Variants in TRABD2B observed in about 807,000 individuals in gnomAD.
TRABD2B encodes TraB domain containing 2B, also known as metalloprotease TIKI2.
A neutral mutation model predicts 40.1 loss-of-function variants in TRABD2B; 14 were observed. That is an observed-to-expected ratio of 0.35 (90% CI 0.23 to 0.55). The LOEUF is 0.55. TRABD2B is among the 20% of genes least tolerant of loss of function. The pLI is 0.90. For synonymous variants in TRABD2B, 263 were observed against 277.0 expected, an observed-to-expected ratio of 0.95 and a Z score of 0.50; for missense variants, 541 against 648.6, an observed-to-expected ratio of 0.83 and a Z score of 1.80.
At chr1:47,913,381 C>A (rs1161000266) in intron 2 of TRABD2B, among the ~76,000 whole-genome samples, 1 of 152,098 alleles carries the variant, frequency 6.6e-6, no homozygotes, top group African/African-American at 2.4e-5. Context: ...GATACTTGGG[C>A]GCGACCTAAG....
At chr1:47,803,916 C>T (rs111258216) in intron 2 of TRABD2B, among the ~76,000 whole-genome samples, 4 of 152,212 alleles carry the variant, frequency 2.6e-5, no homozygotes, top group Non-Finnish European at 5.9e-5. Context: ...CATGCCACCA[C>T]CTTGTGGCAG....
At chr1:47,866,587 T>A (rs1644061162) in intron 2 of TRABD2B, among the ~76,000 whole-genome samples, 1 of 152,144 alleles carries the variant, frequency 6.6e-6, no homozygotes, top group African/African-American at 2.4e-5. Flanking sequence ...CCAACCCTAC[T>A]ATCACCAGCA....
chr1:47,874,519 G>A (rs868605819), intron 2 of TRABD2B, among the ~76,000 whole-genome samples: 45 of 149,630 alleles, frequency 3.0e-4, no homozygotes, highest in Non-Finnish European at 4.6e-4. Flanking sequence ...TGATCCACCC[G>A]CCTCGGCCTC....
At chr1:47,801,849 C>T (rs970544336) in intron 2 of TRABD2B, among the ~76,000 whole-genome samples, 1 of 152,208 alleles carries the variant, frequency 6.6e-6, no homozygotes, top group Non-Finnish European at 1.5e-5. Context: ...ACACAGGTCC[C>T]CATTCCTGCT....
intron 2 of TRABD2B, among the ~76,000 whole-genome samples, chr1:47,963,207 C>T (rs1318283901): frequency 6.6e-6 from 1 of 152,196 alleles, no homozygotes; most frequent in Non-Finnish European, 1.5e-5. Flanking sequence ...AAGCAGGGAC[C>T]ATCTCACAAA....
At chr1:47,991,240 A>T (rs966181025) in intron 2 of TRABD2B, among the ~76,000 whole-genome samples, 1 of 152,120 alleles carries the variant, frequency 6.6e-6, no homozygotes, top group African/African-American at 2.4e-5. Context: ...TTAGAAAGCC[A>T]TAGGGTTGTT....
chr1:47,863,186 G>C (rs1015503428), intron 2 of TRABD2B, among the ~76,000 whole-genome samples: 4 of 151,298 alleles, frequency 2.6e-5, no homozygotes, highest in African/African-American at 9.7e-5. Context: ...ACCAAAGCAT[G>C]ATCCATGAAA....
intron 2 of TRABD2B, among the ~76,000 whole-genome samples, chr1:47,991,143 C>T (rs761728501): frequency 4.6e-5 from 7 of 151,928 alleles, no homozygotes; most frequent in Non-Finnish European, 8.8e-5. Context: ...GAGAACACAT[C>T]CTTCATACAG....
intron 2 of TRABD2B, among the ~76,000 whole-genome samples, chr1:47,906,277 T>C (rs922540328): frequency 6.6e-6 from 1 of 152,252 alleles, no homozygotes; most frequent in Non-Finnish European, 1.5e-5. Context: ...TCATTTATAA[T>C]GAGTTACAGT....
At chr1:47,834,829 T>C (rs1645297606) in intron 2 of TRABD2B, among the ~76,000 whole-genome samples, 1 of 152,168 alleles carries the variant, frequency 6.6e-6, no homozygotes, top group Non-Finnish European at 1.5e-5. Context: ...TTTGCCACAT[T>C]ATATTCTTTT....
intron 2 of TRABD2B, among the ~76,000 whole-genome samples, chr1:47,847,920 G>A (rs1428735146): frequency 6.6e-6 from 1 of 152,186 alleles, no homozygotes; most frequent in East Asian, 1.9e-4. Flanking sequence ...ACCCAGAGGG[G>A]GCTAATTTTC....
At chr1:47,886,802 TCAAA>T (rs1191561812) in intron 2 of TRABD2B, among the ~76,000 whole-genome samples, 1 of 152,204 alleles carries the variant, frequency 6.6e-6, no homozygotes, top group African/African-American at 2.4e-5. Context: ...AAACAGTTTT[TCAAA>T]CAGTTTTTCT....
Position 47,994,519 on chromosome 1 carries a change from AG to A in TRABD2B, c.180del (p.Tyr61ThrfsTer61). The A allele has an allele frequency of 6.5e-7, 1 of 1,536,138 alleles. No homozygotes were observed. The highest frequency in any genetic ancestry group is 8.7e-7 in the Non-Finnish European group (1 of 1,146,908). On this transcript the variant is annotated frameshift_variant, in exon 2 of 7. Transcript: ENST00000606738. LOFTEE classifies it high-confidence loss of function. This position sits in a 1 kb window ranked among gnomAD's most constrained non-coding sequence, Gnocchi z 6.7. The stretch of plus-strand genomic sequence containing the variant: ...GGGATGAAGTCCCAGACGCGGGTGT[AG>A]GGGACGTGAATAGTGCCAAACAGGT... ...PAYLFGTIHV[P>X]YTRVWDFIPD...
chr1:47,800,396 G>A lies in TRABD2B; in HGVS notation c.813+1077C>T, dbSNP rs144289285. ...TGAGCCATGGTCATACCTGGGAGAG[G>A]CATTCGGCAGAGGGAGCAGCCAGTG... On this transcript the variant is annotated intron_variant, in intron 3 of 6. Transcript: ENST00000606738. Among the ~76,000 whole-genome samples the A allele has an allele frequency of 7.5e-3, 1,144 of 152,274 alleles. 8 individuals carry two copies. The highest frequency in any genetic ancestry group is 0.02 in the Middle Eastern group (6 of 294).
At chr1:47,904,642 C>A (rs1644651666) in intron 2 of TRABD2B, among the ~76,000 whole-genome samples, 1 of 152,118 alleles carries the variant, frequency 6.6e-6, no homozygotes, top group Admixed American at 6.5e-5. Flanking sequence ...TCATGCACTC[C>A]CAAGGGAGAG....
At chr1:47,815,825 A>ATAGC (rs1447245735) in intron 2 of TRABD2B, among the ~76,000 whole-genome samples, 1 of 85,914 alleles carries the variant, frequency 1.2e-5, no homozygotes, top group African/African-American at 3.4e-5. Flanking sequence ...AGATAGATAG[A>ATAGC]TAGATAGATA....
At chr1:47,772,517 A>G (rs1358204961) in intron 6 of TRABD2B, among the ~76,000 whole-genome samples, 1 of 151,936 alleles carries the variant, frequency 6.6e-6, no homozygotes, top group Non-Finnish European at 1.5e-5. Flanking sequence ...GAGCGGCCAT[A>G]TGGGAGGGCA....
intron 6 of TRABD2B, among the ~76,000 whole-genome samples, chr1:47,772,860 C>T (rs138272141): frequency 5.0e-4 from 76 of 152,208 alleles, no homozygotes; most frequent in East Asian, 2.9e-3. Context: ...GGCTGCCAGG[C>T]GGTGGTGGAA....
Position 47,795,806 on chromosome 1 carries a change from C to T in TRABD2B, c.814-1046G>A. 4.5e-6 allele frequency: 3 copies of T among 674,120 alleles called. No homozygotes were observed. The African/African-American group carries it at 5.8e-5, about 13-fold the overall frequency. The allele number at this position is 674,120 out of a possible 1,614,324, so 41.8% of individuals were successfully genotyped here. On this transcript the variant is annotated intron_variant, in intron 3 of 6. Transcript: ENST00000606738. ...CAGGACATAATGCAAATGCCTCCAT[C>T]CCTTTTTGAATACCTCAACCCCAGG...
Sources: gnomAD v4.1 joint callset for allele counts (sites outside exome capture counted in the v4.1 genomes callset) on GRCh38, gnomAD v4.1.1 for gene constraint, Gnocchi (gnomAD v3.1) non-coding constraint, MANE v1.5 for transcripts, NCBI Gene and HGNC (gene_info 2026-07-23, HGNC 2026-07-21) for gene names.